The following EBF1 variants were observed in gnomAD, a reference collection of about 807,000 sequenced individuals.
EBF1 encodes the protein EBF transcription factor 1.
Under a neutral mutation model 68.4 loss-of-function variants are expected in EBF1, and 10 were observed. The ratio of observed to expected loss-of-function variants is 0.15; its 90% CI spans 0.09 to 0.25. The LOEUF (loss-of-function observed/expected upper bound fraction) is 0.25, where lower values mean the gene tolerates loss of function less well. Ranked by LOEUF, EBF1 falls within the 10% of genes least tolerant of loss-of-function variation. The pLI, the probability that EBF1 is intolerant of heterozygous loss-of-function variation, is 1.00. For synonymous variants in EBF1, 298 were observed against 299.8 expected, an observed-to-expected ratio of 0.99 and a Z score of 0.06; for missense variants, 509 against 794.4, an observed-to-expected ratio of 0.64 and a Z score of 4.32.
At chr5:158,891,957 C>A (rs1207827057) in intron 6 of EBF1, among the ~76,000 whole-genome samples, 1 of 151,968 alleles carries the variant, frequency 6.6e-6, no homozygotes, top group African/African-American at 2.4e-5. Context: ...CCTAAGAGCT[C>A]CCCTTGTTCT....
At chr5:158,827,245 A>C (rs1054335256) in intron 7 of EBF1, among the ~76,000 whole-genome samples, 1 of 152,196 alleles carries the variant, frequency 6.6e-6, no homozygotes, top group Non-Finnish European at 1.5e-5. Flanking sequence ...AAGACCCAGC[A>C]TACACTGTAA....
At chr5:158,777,982 A>G (rs1775643562) in intron 9 of EBF1, among the ~76,000 whole-genome samples, 1 of 152,172 alleles carries the variant, frequency 6.6e-6, no homozygotes, top group Non-Finnish European at 1.5e-5. Flanking sequence ...TTAGCTGCGG[A>G]GTGCACGTAT....
intron 8 of EBF1, among the ~76,000 whole-genome samples, chr5:158,822,304 GGATGGATGGATA>G (rs1403522355): frequency 3.7e-4 from 46 of 124,286 alleles, no homozygotes; most frequent in African/African-American, 9.9e-4. Context: ...ATGGATGGAT[GGATGGATGGATA>G]GATGGATAGA....
chr5:158,866,029 A>G (rs1486291994), intron 6 of EBF1, among the ~76,000 whole-genome samples: 1 of 152,198 alleles, frequency 6.6e-6, no homozygotes, highest in Admixed American at 6.5e-5. Flanking sequence ...AACTCACACA[A>G]TGTTAGATCT....
At chr5:158,791,907 G>A (rs1217594994) in intron 9 of EBF1, among the ~76,000 whole-genome samples, 1 of 152,114 alleles carries the variant, frequency 6.6e-6, no homozygotes, top group Non-Finnish European at 1.5e-5. Flanking sequence ...ACCTATCCCA[G>A]TGCTAGACAC....
At chr5:158,839,977 C>G in intron 7 of EBF1, 52 bp downstream of exon 7, 1 of 1,560,254 alleles carries the variant, frequency 6.4e-7, no homozygotes, top group Non-Finnish European at 8.8e-7. Flanking sequence ...TTTTTATCCT[C>G]TCCTGATATT....
intron 6 of EBF1, among the ~76,000 whole-genome samples, chr5:158,914,400 G>A (rs1375638309): frequency 6.6e-6 from 1 of 152,146 alleles, no homozygotes; most frequent in East Asian, 1.9e-4. Context: ...TTTCACTGGA[G>A]GGGAAAGGTT....
intron 6 of EBF1, among the ~76,000 whole-genome samples, chr5:159,065,355 G>T (rs1584376546): frequency 6.6e-6 from 1 of 152,250 alleles, no homozygotes; most frequent in Admixed American, 6.5e-5. Context: ...GCACCACCCG[G>T]CAAAGGCGGA....
chr5:158,977,826 G>A (rs1757086940), intron 6 of EBF1, among the ~76,000 whole-genome samples: 1 of 152,126 alleles, frequency 6.6e-6, no homozygotes, highest in African/African-American at 2.4e-5. Flanking sequence ...TAAATAAACA[G>A]GGTACCAGGC....
At chr5:159,084,784 C>CAA (rs777907794) in intron 4 of EBF1, 45 bp from the exon 5 acceptor site, 5 of 1,311,744 alleles carry the variant, frequency 3.8e-6, no homozygotes, top group South Asian at 3.1e-5. Context: ...AAAGGAGTAG[C>CAA]AGAAAAAAAA....
intron 6 of EBF1, among the ~76,000 whole-genome samples, chr5:159,048,015 G>T (rs1310115449): frequency 6.6e-6 from 1 of 152,162 alleles, no homozygotes; most frequent in African/African-American, 2.4e-5. Flanking sequence ...TCAGGAGATA[G>T]GCACTATATT....
intron 6 of EBF1, among the ~76,000 whole-genome samples, chr5:159,019,283 CACA>C (rs1766210625): frequency 6.6e-6 from 1 of 152,168 alleles, no homozygotes. Flanking sequence ...TATAATTTCC[CACA>C]ACATTTAACA....
chr5:158,829,346 T>C (rs908493021), intron 7 of EBF1, among the ~76,000 whole-genome samples: 12 of 151,760 alleles, frequency 7.9e-5, no homozygotes, highest in African/African-American at 2.9e-4. Flanking sequence ...CAGCCTTTTT[T>C]TTTTTTTTGT....
chr5:158,932,667 C>G (rs982466277), intron 6 of EBF1, among the ~76,000 whole-genome samples: 3 of 152,064 alleles, frequency 2.0e-5, no homozygotes, highest in South Asian at 2.1e-4. Context: ...TAATTTATAA[C>G]ATAATCAGTC....
intron 6 of EBF1, among the ~76,000 whole-genome samples, chr5:159,036,177 G>T (rs187252388): frequency 1.3e-5 from 2 of 152,154 alleles, no homozygotes; most frequent in East Asian, 3.8e-4. Context: ...CTCAATTGTC[G>T]CATCAGGGAT....
At chr5:158,832,335 C>T (rs1316128413) in intron 7 of EBF1, among the ~76,000 whole-genome samples, 1 of 152,234 alleles carries the variant, frequency 6.6e-6, no homozygotes, top group Non-Finnish European at 1.5e-5. Flanking sequence ...TGCCAAGATA[C>T]ATATTTGCCC....
chr5:159,008,487 G>A (rs1445963472), intron 6 of EBF1, among the ~76,000 whole-genome samples: 1 of 150,552 alleles, frequency 6.6e-6, no homozygotes, highest in African/African-American at 2.4e-5. Flanking sequence ...AAATCATTTT[G>A]GTCTCCTTTT....
intron 6 of EBF1, among the ~76,000 whole-genome samples, chr5:159,061,522 T>C (rs1775819210): frequency 6.6e-6 from 1 of 151,804 alleles, no homozygotes; most frequent in South Asian, 2.1e-4. Context: ...TCATTTTGAG[T>C]GGAGAAGAGG....
chr5:159,046,882 C>T (rs1419358435), intron 6 of EBF1, among the ~76,000 whole-genome samples: 1 of 152,222 alleles, frequency 6.6e-6, no homozygotes, highest in Non-Finnish European at 1.5e-5. Context: ...AATGTGATAT[C>T]ACTGAACAGA....
Sources: gnomAD v4.1 joint callset for allele counts (sites outside exome capture counted in the v4.1 genomes callset) on GRCh38, gnomAD v4.1.1 for gene constraint, MANE v1.5 for transcripts, NCBI Gene and HGNC (gene_info 2026-07-23, HGNC 2026-07-21) for gene names.